Variants in ATAD3A observed in about 807,000 individuals in gnomAD.
ATAD3A encodes ATPase family AAA domain containing 3A.
ATAD3A carries 46 observed loss-of-function variants against 73.8 expected under a neutral mutation model. That is an observed-to-expected ratio of 0.62 (90% CI 0.49 to 0.80). The LOEUF is 0.80. Ranked by LOEUF, ATAD3A falls within the 30% of genes least tolerant of loss-of-function variation. ATAD3A has a pLI of 0.00. For missense variants in ATAD3A, 705 were observed against 838.0 expected, an observed-to-expected ratio of 0.84 and a Z score of 1.96; for synonymous variants, 319 against 350.0, an observed-to-expected ratio of 0.91 and a Z score of 0.99.
Position 1,530,853 on chromosome 1 carries a change from A to AC in ATAD3A, c.1614+1522_1614+1523insC, listed in dbSNP as rs1642010502. On this transcript the variant is annotated intron_variant, in intron 15 of 15. Transcript: ENST00000378756. ...CAAAAAAAAAAAAAAAAAAAAAAAA[A>AC]AACTAAGAATAATTTGGAACGAGTG... Among the ~76,000 whole-genome samples the AC allele has an allele frequency of 4.1e-5, 6 of 145,266 alleles. 1 individual carries two copies. The highest frequency in any genetic ancestry group is 1.6e-4 in the African/African-American group (6 of 37,360).
At position 1,516,510 on chromosome 1, in the gene ATAD3A, T is replaced by C. The variant is rs150520639; in HGVS notation, c.282+422T>C. ...CTCACTGCAACCTCCGCTCCTGGGT[T>C]CAAGCAATTCTCCTGCCTCAGCCTC... On this transcript the variant is annotated intron_variant, in intron 2 of 15. Coordinates refer to ENST00000378756, the MANE Select transcript of ATAD3A (RefSeq NM_001170535.3). Among the ~76,000 whole-genome samples the C allele has an allele frequency of 3.4e-3, 521 of 152,258 alleles. 2 individuals are homozygous for C. Among genetic ancestry groups the C allele is most frequent in the African/African-American group, 0.012 (486 of 41,544 alleles).
intron 12 of ATAD3A, among the ~76,000 whole-genome samples, chr1:1,525,756 G>A (rs1641803345): frequency 6.6e-6 from 1 of 152,208 alleles, no homozygotes; most frequent in Non-Finnish European, 1.5e-5. Flanking sequence ...CGCCCAGGCT[G>A]GAGTGCAGGG....
chr1:1,524,299 C>T lies in ATAD3A; in HGVS notation c.1116C>T (p.Asp372=), dbSNP rs779390679. Residue 372 remains aspartate, a synonymous_variant, in exon 11 of 16, where the codon GAC becomes GAT. Transcript: ENST00000378756. ...AKKLALHSGM[D]YAIMTGGDVA... ...AACTCGCCCTGCACTCAGGCATGGA[C>T]TACGCCATCATGACAGGCGGGGACG... 6.2e-7 allele frequency: 1 copy of T among 1,613,856 alleles called. No individual in the cohort carries two copies. The highest frequency in any genetic ancestry group is 8.5e-7 in the Non-Finnish European group (1 of 1,179,834).
Position 1,516,543 on chromosome 1 carries a change from G to C in ATAD3A, c.282+455G>C, listed in dbSNP as rs890717521. Among the ~76,000 whole-genome samples, 31 of 152,204 alleles carry C rather than the reference G, an allele frequency of 2.0e-4. 2 individuals carry two copies. Among genetic ancestry groups the C allele is most frequent in the African/African-American group, 7.2e-4 (30 of 41,524 alleles). On this transcript the variant is annotated intron_variant, in intron 2 of 15. Coordinates refer to ENST00000378756, the MANE Select transcript of ATAD3A (RefSeq NM_001170535.3). Reference sequence around the variant, plus strand: ...TTCTCCTGCCTCAGCCTCCTGAATAGCTGGGATTACAGGCACCCGCCACCA... The same window carrying C: ...TTCTCCTGCCTCAGCCTCCTGAATACCTGGGATTACAGGCACCCGCCACCA...
rs1642158504 is a variant in ATAD3A, at chr1:1,534,462, C to T, written c.*390C>T. On this transcript the variant is annotated 3_prime_UTR_variant, in exon 16 of 16. Coordinates refer to ENST00000378756, the MANE Select transcript of ATAD3A (RefSeq NM_001170535.3). The stretch of plus-strand genomic sequence containing the variant: ...TTTGTTCTCGGCTCCCACAGCAGAG[C>T]CAGGTGAGGGGGCGCCTGCCAGGGC... 2.6e-6 allele frequency: 3 copies of T among 1,164,386 alleles called. No homozygotes were observed. Among genetic ancestry groups the T allele is most frequent in the Admixed American group, 7.6e-5 (2 of 26,356 alleles). The allele number at this position is 1,164,386 out of a possible 1,614,324, so 72.1% of individuals were successfully genotyped here. A position where few individuals can be genotyped will look rare whatever the true frequency, so the allele number is the denominator to read the frequency against.
chr1:1,529,869 GGA>G (rs1181044994), intron 15 of ATAD3A, among the ~76,000 whole-genome samples: 1 of 152,238 alleles, frequency 6.6e-6, no homozygotes, highest in Non-Finnish European at 1.5e-5. Context: ...AGGACTCACA[GGA>G]GTGTGGGCGT....
intron 15 of ATAD3A, among the ~76,000 whole-genome samples, chr1:1,533,591 C>T (rs561689747): frequency 7.2e-5 from 11 of 152,308 alleles, no homozygotes; most frequent in East Asian, 1.9e-4. Flanking sequence ...TGCCTGGCCA[C>T]GGCTGAGACT....
Position 1,527,098 on chromosome 1 carries a change from G to T in ATAD3A, c.1337+567G>T, listed in dbSNP as rs1330865537. 7.6e-6 allele frequency: 9 copies of T among 1,188,686 alleles called. No homozygotes were observed. The African/African-American group carries it at 1.3e-4, about 17-fold the overall frequency. 73.6% of individuals were successfully genotyped at this position (1,188,686 alleles called of 1,614,324 possible). A position where few individuals can be genotyped will look rare whatever the true frequency, so the allele number is the denominator to read the frequency against. Reference sequence around the variant, plus strand: ...CCATAGGGTGACCGCCCCATGGCCAGGCTCCCTAGTCCCTCCCAAGTCCCC... The same window carrying T: ...CCATAGGGTGACCGCCCCATGGCCATGCTCCCTAGTCCCTCCCAAGTCCCC... On this transcript the variant is annotated intron_variant, in intron 13 of 15. Transcript: ENST00000378756.
Position 1,520,314 on chromosome 1 carries a change from C to T in ATAD3A, c.680+8C>T, listed in dbSNP as rs763641076. 7 of 1,609,218 alleles carry T rather than the reference C, an allele frequency of 4.3e-6. No homozygotes were observed. Among genetic ancestry groups the T allele is most frequent in the Non-Finnish European group, 5.9e-6 (7 of 1,176,622 alleles). On this transcript the variant is annotated splice_region_variant and intron_variant, in intron 6 of 15. Transcript: ENST00000378756. The surrounding 1 kb of genome is among the most constrained non-coding windows in gnomAD (Gnocchi z 4.0). ...CGTCTTGGAGTCCATCAGGTGAGCACTGCCGAGGCCCGGGCCGGCCACAGA... is the reference window on the plus strand; with the variant it reads ...CGTCTTGGAGTCCATCAGGTGAGCATTGCCGAGGCCCGGGCCGGCCACAGA...
chr1:1,532,312 G>A (rs1642058514), intron 15 of ATAD3A, among the ~76,000 whole-genome samples: 1 of 152,200 alleles, frequency 6.6e-6, no homozygotes, highest in Non-Finnish European at 1.5e-5. Context: ...TAGGATGAGT[G>A]AGGAAATGTT....
At position 1,533,944 on chromosome 1, in the gene ATAD3A, G is replaced by A. The variant is rs149497281; in HGVS notation, c.1633G>A (p.Glu545Lys). 5.2e-4 allele frequency: 832 copies of A among 1,613,076 alleles called. 2 individuals carry two copies. Among genetic ancestry groups the A allele is most frequent in the Middle Eastern group, 4.3e-3 (26 of 6,048 alleles). The change falls in exon 16 of 16, where the codon GAG becomes AAG. Residue 545 changes from glutamate (E) to lysine (K), a missense_variant. This residue lies in a region of ATAD3A where 252 missense variants were observed against 278.5 expected (regional missense o/e 0.90). Coordinates refer to ENST00000378756, the MANE Select transcript of ATAD3A (RefSeq NM_001170535.3). ...CCACTAGGCCACGGCGTATGCCTCC[G>A]AGGACGGGGTCCTGACCGAGGCCAT... ...VSWQATAYASEDGVLTEAMMD... is the reference protein window; with the variant it reads ...VSWQATAYASKDGVLTEAMMD...
intron 12 of ATAD3A, 110 bp downstream of exon 12, chr1:1,525,401 T>G: frequency 5.3e-6 from 7 of 1,323,292 alleles, no homozygotes; most frequent in Non-Finnish European, 7.3e-6. Context: ...GTAAGCTTTG[T>G]GTGAAAAACA....
intron 15 of ATAD3A, among the ~76,000 whole-genome samples, chr1:1,530,230 G>C (rs115990140): frequency 2.6e-5 from 4 of 152,126 alleles, no homozygotes; most frequent in Non-Finnish European, 5.9e-5. Flanking sequence ...AACCAGGTCT[G>C]TTTCCACAAC....
intron 15 of ATAD3A, among the ~76,000 whole-genome samples, chr1:1,533,407 A>T (rs1300222408): frequency 6.6e-6 from 1 of 152,216 alleles, no homozygotes; most frequent in African/African-American, 2.4e-5. Context: ...CAGCAGCTCC[A>T]GCCTTCACGT....
At chr1:1,521,883 C>G (rs888904918) in intron 7 of ATAD3A, among the ~76,000 whole-genome samples, 7 of 151,786 alleles carry the variant, frequency 4.6e-5, no homozygotes, top group East Asian at 1.9e-4. Flanking sequence ...CCTGTGCCAC[C>G]AGGCCCGGCC....
In ATAD3A at chr1:1,523,319, C is replaced by T. The variant is rs977522617; in HGVS notation, c.907-192C>T. Among the ~76,000 whole-genome samples the T allele has an allele frequency of 9.9e-5, 15 of 152,182 alleles. No individual in the cohort carries two copies. The highest frequency in any genetic ancestry group is 2.7e-4 in the African/African-American group (11 of 41,444). On this transcript the variant is annotated intron_variant, in intron 8 of 15. Coordinates refer to ENST00000378756, the MANE Select transcript of ATAD3A (RefSeq NM_001170535.3). The surrounding 1 kb of genome is among the most constrained non-coding windows in gnomAD (Gnocchi z 5.1). ...AAGAAAATAAAAGCCAATAAGGAACCGGAAAATGCCCCTAATCCCAGCAAT... is the reference window on the plus strand; with the variant it reads ...AAGAAAATAAAAGCCAATAAGGAACTGGAAAATGCCCCTAATCCCAGCAAT...
chr1:1,516,361 G>GTAGGGAGGGCCGGTGTTGGT (rs1641358040), intron 2 of ATAD3A, among the ~76,000 whole-genome samples: 1 of 152,156 alleles, frequency 6.6e-6, no homozygotes, highest in African/African-American at 2.4e-5. Flanking sequence ...CTGGTCGTCC[G>GTAGGGAGGGCCGGTGTTGGT]GATGGCCTGG....
Position 1,520,047 on chromosome 1 carries a change from T to C in ATAD3A, c.515-94T>C, listed in dbSNP as rs1225962536. On this transcript the variant is annotated intron_variant, in intron 5 of 15. Coordinates refer to ENST00000378756, the MANE Select transcript of ATAD3A (RefSeq NM_001170535.3). This position sits in a 1 kb window ranked among gnomAD's most constrained non-coding sequence, Gnocchi z 4.0. ...CTGTGGCGTTGGTCTGTCCGTGGCGTGGGCCGGTCCGTGGCGTGGGCCGGT... is the reference window on the plus strand; with the variant it reads ...CTGTGGCGTTGGTCTGTCCGTGGCGCGGGCCGGTCCGTGGCGTGGGCCGGT... The C allele has an allele frequency of 3.6e-5, 54 of 1,515,718 alleles. 1 individual carries two copies. The highest frequency in any genetic ancestry group is 4.6e-5 in the Non-Finnish European group (52 of 1,129,136). 93.9% of individuals were successfully genotyped at this position (1,515,718 alleles called of 1,614,324 possible). A position where few individuals can be genotyped will look rare whatever the true frequency, so the allele number is the denominator to read the frequency against.
At position 1,522,863 on chromosome 1, in the gene ATAD3A, C is replaced by T. The variant is rs1641653149; in HGVS notation, c.870C>T (p.Arg290=). 1 of 1,609,916 alleles carries T rather than the reference C, an allele frequency of 6.2e-7. No homozygotes were observed. Among genetic ancestry groups the T allele is most frequent in the Non-Finnish European group, 8.5e-7 (1 of 1,179,714 alleles). Residue 290 remains arginine, a synonymous_variant, in exon 8 of 16, where the codon CGC becomes CGT. Coordinates refer to ENST00000378756, the MANE Select transcript of ATAD3A (RefSeq NM_001170535.3). ...GKPSLVRETS[R]ITVLEALRHP... The stretch of plus-strand genomic sequence containing the variant: ...CGTCCCTAGTGAGGGAGACGTCCCG[C>T]ATCACGGTGCTTGAGGCGCTGCGGC...
Sources: gnomAD v4.1 joint callset for allele counts (sites outside exome capture counted in the v4.1 genomes callset) on GRCh38, gnomAD v4.1.1 for gene constraint, gnomAD v4.1.1 regional missense constraint, Gnocchi (gnomAD v3.1) non-coding constraint, MANE v1.5 for transcripts, NCBI Gene and HGNC (gene_info 2026-07-23, HGNC 2026-07-21) for gene names.